The following IL1RAPL1 variants were observed in gnomAD, a reference collection of about 807,000 sequenced individuals.
IL1RAPL1 encodes the protein interleukin-1 receptor accessory protein-like 1.
A neutral mutation model predicts 48.4 loss-of-function variants in IL1RAPL1; 3 were observed. The ratio of observed to expected loss-of-function variants is 0.06; its 90% CI spans 0.03 to 0.16. The LOEUF (loss-of-function observed/expected upper bound fraction) is 0.16, where lower values mean the gene tolerates loss of function less well. IL1RAPL1 is among the 10% of genes least tolerant of loss of function. The probability of loss-of-function intolerance (pLI) is 1.00; values close to 1 mark genes in which losing one functional copy is unlikely to be tolerated. For synonymous variants in IL1RAPL1, 185 were observed against 187.7 expected (o/e 0.99, Z 0.12); for missense variants, 349 against 530.6 (o/e 0.66, Z 3.36).
At chrX:29,121,788 T>C in intron 2 of IL1RAPL1, among the ~76,000 whole-genome samples, 1 of 111,999 alleles carries the variant, frequency 8.9e-6, no homozygotes, top group Admixed American at 9.5e-5. Context: ...TAAATTTGCA[T>C]GTTCACAGGT....
At chrX:29,690,086 G>A (rs1926733982) in intron 6 of IL1RAPL1, among the ~76,000 whole-genome samples, 1 of 111,807 alleles carries the variant, frequency 8.9e-6, no homozygotes, top group African/African-American at 3.2e-5. Context: ...TTATTGTTGT[G>A]TAGACTAATG....
At chrX:29,933,665 A>AT (rs1460823523) in intron 8 of IL1RAPL1, among the ~76,000 whole-genome samples, 2 of 110,146 alleles carry the variant, frequency 1.8e-5, no homozygotes, top group African/African-American at 6.6e-5. Context: ...GACAAAAAAA[A>AT]AAAAAAAAGA....
chrX:28,728,540 A>G (rs997598972), intron 1 of IL1RAPL1, among the ~76,000 whole-genome samples: 3 of 111,770 alleles, frequency 2.7e-5, no homozygotes. Context: ...AGATCGTTCT[A>G]TCTTCCAGGA....
chrX:29,689,790 A>G (rs1346862733), intron 6 of IL1RAPL1, among the ~76,000 whole-genome samples: 4 of 112,479 alleles, frequency 3.6e-5, no homozygotes, highest in African/African-American at 1.3e-4. Flanking sequence ...TAGTGTAGAC[A>G]CATTACGAAT....
intron 6 of IL1RAPL1, among the ~76,000 whole-genome samples, chrX:29,825,902 G>C (rs1268697795): frequency 9.0e-6 from 1 of 111,035 alleles, no homozygotes; most frequent in Non-Finnish European, 1.9e-5. Context: ...ACTGCTGAAT[G>C]TAGTTCGCCG....
chrX:29,470,657 AG>A (rs1381311689), intron 5 of IL1RAPL1, among the ~76,000 whole-genome samples: 2 of 111,452 alleles, frequency 1.8e-5, no homozygotes, highest in Non-Finnish European at 3.8e-5. Flanking sequence ...TTTTAGAGAT[AG>A]GGTCTCACTC....
At chrX:28,590,587 T>C (rs1046633118) in intron 1 of IL1RAPL1, among the ~76,000 whole-genome samples, 8 of 111,730 alleles carry the variant, frequency 7.2e-5, no homozygotes, top group African/African-American at 2.6e-4. Flanking sequence ...GGAAATTGAA[T>C]GTGAATTTAA....
intron 2 of IL1RAPL1, among the ~76,000 whole-genome samples, chrX:29,076,699 T>C (rs769916227): frequency 1.2e-3 from 136 of 111,131 alleles, no homozygotes; most frequent in African/African-American, 4.3e-3. Flanking sequence ...TCATTACTTA[T>C]GGGAAATACG....
chrX:29,338,512 C>G (rs1321855198), intron 3 of IL1RAPL1, among the ~76,000 whole-genome samples: 2 of 111,911 alleles, frequency 1.8e-5, no homozygotes, highest in Non-Finnish European at 3.8e-5. Flanking sequence ...CACACATTTC[C>G]TATATTACAA....
chrX:28,958,001 T>G (rs1924661719), intron 2 of IL1RAPL1, among the ~76,000 whole-genome samples: 1 of 111,107 alleles, frequency 9.0e-6, no homozygotes, highest in African/African-American at 3.3e-5. Flanking sequence ...TTATTTGTAA[T>G]TGATAAATAT....
intron 6 of IL1RAPL1, among the ~76,000 whole-genome samples, chrX:29,735,732 T>C (rs984558603): frequency 1.8e-5 from 2 of 112,208 alleles, no homozygotes; most frequent in Non-Finnish European, 3.8e-5. Context: ...ATTTTTTTTT[T>C]CCTAGCCTAA....
chrX:29,847,677 G>A (rs975985200), intron 6 of IL1RAPL1, among the ~76,000 whole-genome samples: 2 of 111,182 alleles, frequency 1.8e-5, no homozygotes, highest in Admixed American at 9.6e-5. Context: ...AAATTCCATC[G>A]CTGAAGAAAG....
chrX:29,472,606 T>A (rs182279495), intron 5 of IL1RAPL1, among the ~76,000 whole-genome samples: 27 of 111,868 alleles, frequency 2.4e-4, no homozygotes, highest in Non-Finnish European at 4.3e-4. Context: ...ACAACATTTT[T>A]AAAAAATCTT....
chrX:29,323,768 T>C (rs1275353867), intron 3 of IL1RAPL1, among the ~76,000 whole-genome samples: 3 of 45,048 alleles, frequency 6.7e-5, no homozygotes, highest in Non-Finnish European at 1.2e-4. Context: ...TATATATATA[T>C]ATATATATAT....
At chrX:28,994,363 A>G (rs1361893913) in intron 2 of IL1RAPL1, among the ~76,000 whole-genome samples, 1 of 111,534 alleles carries the variant, frequency 9.0e-6, no homozygotes, top group East Asian at 2.8e-4. Flanking sequence ...TTCAAAGACG[A>G]CCCTGTGATT....
At chrX:29,431,523 C>T (rs1461341363) in intron 5 of IL1RAPL1, among the ~76,000 whole-genome samples, 1 of 111,608 alleles carries the variant, frequency 9.0e-6, no homozygotes, top group Non-Finnish European at 1.9e-5. Flanking sequence ...TACATTTATT[C>T]GATTATCCGC....
chrX:29,217,812 C>T (rs1235103316), intron 2 of IL1RAPL1, among the ~76,000 whole-genome samples: 12 of 108,986 alleles, frequency 1.1e-4, no homozygotes, highest in African/African-American at 4.0e-4. Context: ...CACACACACA[C>T]ACACACTTAC....
At chrX:29,021,469 A>C (rs929687801) in intron 2 of IL1RAPL1, among the ~76,000 whole-genome samples, 4 of 110,998 alleles carry the variant, frequency 3.6e-5, no homozygotes, top group Non-Finnish European at 7.5e-5. Context: ...CCTGGTCCTT[A>C]TTCTTGGTAC....
intron 6 of IL1RAPL1, among the ~76,000 whole-genome samples, chrX:29,813,296 A>G (rs1296289012): frequency 1.8e-5 from 2 of 111,552 alleles, no homozygotes; most frequent in African/African-American, 3.3e-5. Flanking sequence ...GGTCCCTAAA[A>G]TTAATCAAAA....
Sources: allele counts gnomAD v4.1 joint callset (sites outside exome capture counted in the v4.1 genomes callset), GRCh38; gene constraint gnomAD v4.1.1; transcripts MANE v1.5; gene names NCBI Gene and HGNC (gene_info 2026-07-23, HGNC 2026-07-21).